The following KCND1 variants were observed in gnomAD, a reference collection of about 807,000 sequenced individuals.
KCND1 encodes the protein A-type voltage-gated potassium channel KCND1.
Under a neutral mutation model 31.8 loss-of-function variants are expected in KCND1, and 11 were observed. The observed-to-expected ratio is 0.35, with a 90% CI of 0.22 to 0.57. The LOEUF (loss-of-function observed/expected upper bound fraction) is 0.57, where lower values mean the gene tolerates loss of function less well. Ranked by LOEUF, KCND1 falls within the 20% of genes least tolerant of loss-of-function variation. The pLI is 0.85. For missense variants in KCND1, 471 were observed against 596.8 expected (o/e 0.79, Z 2.20); for synonymous variants, 234 against 248.1 (o/e 0.94, Z 0.53).
At position 48,965,904 on chromosome X, in the gene KCND1, T is replaced by C. The variant is rs1602456969; in HGVS notation, c.1718+151A>G. 3.8e-5 allele frequency: 20 copies of C among 532,128 alleles called. No homozygotes were observed. The South Asian group carries it at 8.3e-4, about 22-fold the overall frequency. The allele number at this position is 532,128 out of a possible 1,213,427, so 43.9% of individuals were successfully genotyped here. A position where few individuals can be genotyped will look rare whatever the true frequency, so the allele number is the denominator to read the frequency against. ...AAAAAAAAAAAGAATGGATGAAGAA[T>C]GAGTTCCAGACAAGATAAGCCCAAG... On this transcript the variant is annotated intron_variant, in intron 5 of 5. Coordinates refer to ENST00000218176, the MANE Select transcript of KCND1 (RefSeq NM_004979.6).
chrX:48,962,888 G>A, intron 5 of KCND1, 82 bp from the exon 6 acceptor site: 1 of 839,187 alleles, frequency 1.2e-6, no homozygotes, highest in East Asian at 3.4e-5. Flanking sequence ...TGTAATCCCA[G>A]CACTTTGGGA....
Position 48,970,525 on chromosome X carries a change from G to T in KCND1, c.-254C>A. 1 of 357,049 alleles carries T rather than the reference G, an allele frequency of 2.8e-6. No individual in the cohort carries two copies. Among genetic ancestry groups the T allele is most frequent in the Non-Finnish European group, 4.8e-6 (1 of 208,460 alleles). 29.4% of individuals were successfully genotyped at this position (357,049 alleles called of 1,213,427 possible). ...AGAAGGGCCTTGGGGACATGGAGAAGAGCAGAAAAGGGGTGTGGGGATGGG... is the reference window on the plus strand; with the variant it reads ...AGAAGGGCCTTGGGGACATGGAGAATAGCAGAAAAGGGGTGTGGGGATGGG... On this transcript the variant is annotated 5_prime_UTR_variant, in exon 1 of 6. Transcript: ENST00000218176.
Position 48,962,070 on chromosome X carries a change from C to G in KCND1, c.*511G>C, listed in dbSNP as rs1371696783. On this transcript the variant is annotated 3_prime_UTR_variant, in exon 6 of 6. Coordinates refer to ENST00000218176, the MANE Select transcript of KCND1 (RefSeq NM_004979.6). ...AGCCCATGAAGCCTGTGTTTGCATT[C>G]CAAGCTTCAGAATCTGGGAATTGTT... The G allele has an allele frequency of 2.6e-5, 3 of 114,559 alleles. No individual in the cohort carries two copies. The highest frequency in any genetic ancestry group is 6.4e-5 in the African/African-American group (2 of 31,163). The allele number at this position is 114,559 out of a possible 1,213,427, so 9.4% of individuals were successfully genotyped here.
chrX:48,970,926 G>A lies in KCND1; in HGVS notation c.-655C>T, dbSNP rs1437516603. On this transcript the variant is annotated 5_prime_UTR_variant, in exon 1 of 6. Transcript: ENST00000218176. ...AAAGGGAGCTGGTGCATCTTGAGGGGTGGCTGTGGATCCAGGAGGTTGTAA... is the reference window on the plus strand; with the variant it reads ...AAAGGGAGCTGGTGCATCTTGAGGGATGGCTGTGGATCCAGGAGGTTGTAA... The A allele has an allele frequency of 4.5e-5, 5 of 110,758 alleles. No individual in the cohort carries two copies. The highest frequency in any genetic ancestry group is 3.9e-4 in the Admixed American group (4 of 10,372). The allele number at this position is 110,758 out of a possible 1,213,427, so 9.1% of individuals were successfully genotyped here.
rs782662098 is a variant in KCND1, at chrX:48,966,325, A to T, written c.1468-20T>A. ...ATGGCACTATGGGCAGAAGGGAGGCAGGGTCACGGGGCATCCCATGGGAGC... is the reference window on the plus strand; with the variant it reads ...ATGGCACTATGGGCAGAAGGGAGGCTGGGTCACGGGGCATCCCATGGGAGC... On this transcript the variant is annotated intron_variant, in intron 4 of 5. Transcript: ENST00000218176. 3.9e-5 allele frequency: 46 copies of T among 1,169,963 alleles called. No homozygotes were observed. Among genetic ancestry groups the T allele is most frequent in the Non-Finnish European group, 5.1e-5 (45 of 874,245 alleles).
chrX:48,970,048 T>C lies in KCND1; in HGVS notation c.224A>G (p.Tyr75Cys), dbSNP rs1419983545. The C allele has an allele frequency of 1.3e-5, 16 of 1,209,086 alleles. No homozygotes were observed. The highest frequency in any genetic ancestry group is 1.7e-5 in the Non-Finnish European group (15 of 894,268). Residue 75 changes from tyrosine to cysteine, a missense_variant, in exon 1 of 6, where the codon TAC becomes TGC. Physicochemically the swap from Tyr to Cys is radical, Grantham distance 194. This residue lies in a region of KCND1 where 212 missense variants were observed against 257.9 expected (regional missense o/e 0.82). Coordinates refer to ENST00000218176, the MANE Select transcript of KCND1 (RefSeq NM_004979.6). ...LLGSSEKEFFYDADSGEYFFD... is the reference protein window; with the variant it reads ...LLGSSEKEFFCDADSGEYFFD... ...GAAGTACTCGCCTGAGTCAGCATCG[T>C]AGAAGAATTCCTTCTCCGAGCTGCC...
At position 48,969,875 on chromosome X, in the gene KCND1, G is replaced by T; in HGVS notation, c.397C>A (p.Leu133Ile). The change falls in exon 1 of 6, where the codon CTT becomes ATT. Residue 133 changes from leucine (L) to isoleucine (I), a missense_variant. This residue lies in a region of KCND1 where 212 missense variants were observed against 257.9 expected (regional missense o/e 0.82). Coordinates refer to ENST00000218176, the MANE Select transcript of KCND1 (RefSeq NM_004979.6). ...LVPELVGDCC[L>I]EEYRDRKKEN... ...TTCTTTCGGTCCCGATACTCTTCAA[G>T]GCAGCAGTCACCGACTAGCTCGGGA... is the stretch of plus-strand genomic sequence containing the variant. The T allele has an allele frequency of 8.3e-7, 1 of 1,211,638 alleles. No individual in the cohort carries two copies.
Position 48,966,300 on chromosome X carries a change from A to G in KCND1, c.1473T>C (p.His491=), listed in dbSNP as rs1602457439. ...LLHCLEKTTC[H]EFTDELTFSE... ...TGAAGGTGAGCTCATCTGTGAACTC[A>G]TGGCACTATGGGCAGAAGGGAGGCA... The change falls in exon 5 of 6, where the codon CAT becomes CAC. Residue 491 remains histidine, a synonymous_variant. Coordinates refer to ENST00000218176, the MANE Select transcript of KCND1 (RefSeq NM_004979.6). 8.5e-7 allele frequency: 1 copy of G among 1,180,275 alleles called. No homozygotes were observed. Among genetic ancestry groups the G allele is most frequent in the Non-Finnish European group, 1.1e-6 (1 of 880,082 alleles).
At chrX:48,967,129 A>G (rs1557058177) in intron 1 of KCND1, 23 bp from the exon 2 acceptor site, 2 of 1,196,287 alleles carry the variant, frequency 1.7e-6, no homozygotes, top group Admixed American at 4.4e-5. Context: ...GAGGTAGGCC[A>G]AGGTCAGGAA....
chrX:48,966,913 T>C, intron 2 of KCND1, 31 bp downstream of exon 2: 2 of 1,203,910 alleles, frequency 1.7e-6, no homozygotes, highest in Non-Finnish European at 2.2e-6. Context: ...GTGTGGGGAG[T>C]AGGAGGTGCT....
intron 1 of KCND1, chrX:48,967,369 A>C: frequency 5.9e-6 from 2 of 341,171 alleles, no homozygotes; most frequent in East Asian, 1.0e-4. Flanking sequence ...AACCAAGCAG[A>C]GGGGAGCATG....
rs2064351942 is a variant in KCND1 at position 48,966,192 on chromosome X, G to A, written c.1581C>T (p.Ser527=). The part of the protein sequence containing the change: ...SVSSQPVGPG[S]LLSSCCPRRA... ...TGCGAGGGCAGCAAGAAGACAGCAG[G>A]CTTCCGGGTCCCACTGGCTGGGAAG... The change falls in exon 5 of 6, where the codon AGC becomes AGT. Residue 527 remains serine (S), a synonymous_variant. Coordinates refer to ENST00000218176, the MANE Select transcript of KCND1 (RefSeq NM_004979.6). The A allele has an allele frequency of 1.7e-6, 2 of 1,209,977 alleles. No homozygotes were observed. Among genetic ancestry groups the A allele is most frequent in the East Asian group, 5.9e-5 (2 of 33,821 alleles).
rs1456430722 is a variant in KCND1 at position 48,970,724 on chromosome X, TGGA to T, written c.-456_-454del. The T allele has an allele frequency of 2.6e-5, 3 of 116,894 alleles. No homozygotes were observed. The highest frequency in any genetic ancestry group is 1.9e-4 in the Admixed American group (2 of 10,600). 9.6% of individuals were successfully genotyped at this position (116,894 alleles called of 1,213,427 possible). ...AGAGCCTGGAATTCCTTTGCAGTGG[TGGA>T]GAGGAGACTGGGGCATCCAGAGGGG... On this transcript the variant is annotated 5_prime_UTR_variant, in exon 1 of 6. Transcript: ENST00000218176.
In KCND1 at chrX:48,962,316, G is replaced by T. The variant is rs2064324717; in HGVS notation, c.*265C>A. The T allele has an allele frequency of 8.9e-6, 3 of 335,574 alleles. No individual in the cohort carries two copies. Among genetic ancestry groups the T allele is most frequent in the African/African-American group, 5.1e-5 (2 of 39,072 alleles). 27.7% of individuals were successfully genotyped at this position (335,574 alleles called of 1,213,427 possible). A position where few individuals can be genotyped will look rare whatever the true frequency, so the allele number is the denominator to read the frequency against. On this transcript the variant is annotated 3_prime_UTR_variant, in exon 6 of 6. Transcript: ENST00000218176. ...AGCTGGGAGAGTGGGGCCAGTCCCA[G>T]TGTGCTAGGGCAAGGAGGCCAGGGG...
chrX:48,965,939 T>G, intron 5 of KCND1, 116 bp downstream of exon 5: 17 of 732,563 alleles, frequency 2.3e-5, no homozygotes, highest in Non-Finnish European at 3.4e-5. Flanking sequence ...GCTTCCAGCA[T>G]GGAGGGGTTT....
At chrX:48,965,948 T>C (rs2064349825) in intron 5 of KCND1, 107 bp downstream of exon 5, 1 of 877,947 alleles carries the variant, frequency 1.1e-6, no homozygotes, top group African/African-American at 2.0e-5. Flanking sequence ...ATGGAGGGGT[T>C]TGGGTTCGAG....
chrX:48,967,235 A>G (rs2064359512), intron 1 of KCND1, 129 bp from the exon 2 acceptor site: 2 of 551,508 alleles, frequency 3.6e-6, no homozygotes, highest in Non-Finnish European at 5.8e-6. Context: ...TGAGTCCCTC[A>G]GTTTCTTGCT....
At chrX:48,965,242 C>G (rs2064346698) in intron 5 of KCND1, among the ~76,000 whole-genome samples, 1 of 109,069 alleles carries the variant, frequency 9.2e-6, no homozygotes, top group Non-Finnish European at 1.9e-5. Flanking sequence ...TTAATAGAAA[C>G]AGGGTTTCAC....
chrX:48,964,380 G>C (rs1392038104), intron 5 of KCND1, among the ~76,000 whole-genome samples: 1 of 111,020 alleles, frequency 9.0e-6, no homozygotes, highest in Admixed American at 9.5e-5. Flanking sequence ...AGCTGGGCGT[G>C]GTGGCGCGCA....
Sources: allele counts gnomAD v4.1 joint callset (sites outside exome capture counted in the v4.1 genomes callset), GRCh38; gene constraint gnomAD v4.1.1; regional missense constraint gnomAD v4.1.1; transcripts MANE v1.5; gene names NCBI Gene and HGNC (gene_info 2026-07-23, HGNC 2026-07-21).